Variants in AKAP19 observed in about 807,000 individuals in gnomAD.
The protein encoded by AKAP19 is A-kinase anchoring protein 19.
At chr2:189,938,006 C>T in the AKAP19 span, among the ~76,000 whole-genome samples, 2 of 152,246 alleles carry the variant, frequency 1.3e-5, no homozygotes, top group Admixed American at 1.3e-4. Context: ...TTAGAAGGAA[C>T]CTAAGTGTTT....
chr2:190,049,282 C>T, the AKAP19 span, among the ~76,000 whole-genome samples: 3 of 151,962 alleles, frequency 2.0e-5, no homozygotes, highest in Non-Finnish European at 4.4e-5. Flanking sequence ...ACAAGCAATC[C>T]TTACTTAAAT....
chr2:190,062,776 A>G, the AKAP19 span: 1 of 588,740 alleles, frequency 1.7e-6, no homozygotes, highest in Non-Finnish European at 3.0e-6. Context: ...CTTAGATGAG[A>G]CAAGTGTCGT....
At chr2:190,111,539 AC>A in the AKAP19 span, among the ~76,000 whole-genome samples, 1 of 152,122 alleles carries the variant, frequency 6.6e-6, no homozygotes, top group East Asian at 1.9e-4. Context: ...ATCTCTTTCA[AC>A]CTTAGATAAA....
the AKAP19 span, among the ~76,000 whole-genome samples, chr2:189,965,805 AC>A: frequency 6.6e-6 from 1 of 152,324 alleles, no homozygotes; most frequent in South Asian, 2.1e-4. Flanking sequence ...CTAGGTATCT[AC>A]CCAGAGGAAA....
At chr2:189,886,489 C>T in the AKAP19 span, among the ~76,000 whole-genome samples, 3 of 152,118 alleles carry the variant, frequency 2.0e-5, no homozygotes, top group African/African-American at 4.8e-5. Context: ...AGATTGAAGA[C>T]ACAGAGCAAT....
the AKAP19 span, among the ~76,000 whole-genome samples, chr2:189,890,987 T>A: frequency 6.6e-6 from 1 of 152,164 alleles, no homozygotes; most frequent in African/African-American, 2.4e-5. Flanking sequence ...CCCCGTTAGT[T>A]GATGCAATTT....
the AKAP19 span, among the ~76,000 whole-genome samples, chr2:189,898,210 A>G: frequency 2.0e-5 from 3 of 152,130 alleles, no homozygotes; most frequent in African/African-American, 7.2e-5. Context: ...GAAAAAAAAA[A>G]AAAGTGAGAG....
the AKAP19 span, among the ~76,000 whole-genome samples, chr2:189,987,863 A>G: frequency 8.5e-5 from 13 of 152,172 alleles, no homozygotes; most frequent in Non-Finnish European, 1.9e-4. Context: ...GAGCAAATTT[A>G]TCAGGTCAGG....
At chr2:189,998,767 C>CTTTTTTTTTTT in the AKAP19 span, among the ~76,000 whole-genome samples, 1 of 73,176 alleles carries the variant, frequency 1.4e-5, no homozygotes, top group African/African-American at 5.1e-5. Flanking sequence ...TTCTTTCTTT[C>CTTTTTTTTTTT]TTTCTTTTTT....
chr2:190,052,682 A>G, the AKAP19 span, among the ~76,000 whole-genome samples: 1 of 152,080 alleles, frequency 6.6e-6, no homozygotes, highest in Non-Finnish European at 1.5e-5. Flanking sequence ...AAGAGAAAAA[A>G]CCCTTAACAC....
chr2:189,905,897 G>A, the AKAP19 span, among the ~76,000 whole-genome samples: 3 of 151,954 alleles, frequency 2.0e-5, no homozygotes, highest in African/African-American at 7.2e-5. Flanking sequence ...ATTTTAGAAT[G>A]GTACATTTTC....
At chr2:190,118,729 G>A in the AKAP19 span, among the ~76,000 whole-genome samples, 14 of 152,246 alleles carry the variant, frequency 9.2e-5, no homozygotes, top group South Asian at 2.9e-3. Context: ...AAAATAATCA[G>A]AGCTATTTAT....
chr2:189,934,303 A>T, the AKAP19 span, among the ~76,000 whole-genome samples: 3 of 152,076 alleles, frequency 2.0e-5, no homozygotes, highest in Non-Finnish European at 4.4e-5. Context: ...ATTTCCATTT[A>T]CGTCATTTGT....
At chr2:190,098,544 A>G in the AKAP19 span, among the ~76,000 whole-genome samples, 1 of 152,232 alleles carries the variant, frequency 6.6e-6, no homozygotes, top group African/African-American at 2.4e-5. Context: ...CTAGAGCACG[A>G]GCAGAGTAGA....
At chr2:190,103,547 G>T in the AKAP19 span, among the ~76,000 whole-genome samples, 5 of 152,108 alleles carry the variant, frequency 3.3e-5, no homozygotes, top group Non-Finnish European at 7.4e-5. Context: ...CACCAATATT[G>T]TTCAGGCTGA....
At chr2:190,031,403 T>A in the AKAP19 span, among the ~76,000 whole-genome samples, 1 of 152,190 alleles carries the variant, frequency 6.6e-6, no homozygotes, top group Non-Finnish European at 1.5e-5. Flanking sequence ...TATATCCAAT[T>A]GATGGACTAA....
At chr2:190,027,952 T>G in the AKAP19 span, among the ~76,000 whole-genome samples, 5 of 152,304 alleles carry the variant, frequency 3.3e-5, no homozygotes, top group Admixed American at 2.6e-4. Context: ...AACAAGGCAT[T>G]ATAGAATTTT....
chr2:190,177,796 T>C, the AKAP19 span, among the ~76,000 whole-genome samples: 3,172 of 152,318 alleles, frequency 0.021, 114 homozygotes, highest in African/African-American at 0.072. The surrounding 1 kb of genome is among the most constrained non-coding windows in gnomAD (Gnocchi z 4.6). Context: ...ACTGCAAGTT[T>C]ACTATTTAAA....
At chr2:189,923,630 C>G in the AKAP19 span, 1 of 1,614,050 alleles carries the variant, frequency 6.2e-7, no homozygotes, top group Admixed American at 1.7e-5. Context: ...AGGTGTGAAA[C>G]GATCTGCAGC....
Sources: gnomAD v4.1 joint callset for allele counts (sites outside exome capture counted in the v4.1 genomes callset) on GRCh38, gnomAD v4.1.1 for gene constraint, Gnocchi (gnomAD v3.1) non-coding constraint, MANE v1.5 for transcripts, NCBI Gene and HGNC (gene_info 2026-07-23, HGNC 2026-07-21) for gene names.